The following GZMH variants were observed in gnomAD, a reference collection of about 807,000 sequenced individuals.
GZMH encodes the protein cathepsin G-like 2, protein h-CCPX.
In GZMH, 24 loss-of-function variants were observed where a neutral mutation model predicts 20.7. The observed-to-expected ratio is 1.16, with a 90% CI of 0.84 to 1.63. The LOEUF is 1.63. GZMH is among the 40% of genes most tolerant of loss of function. The pLI is 0.00. For synonymous variants in GZMH, 119 were observed against 116.1 expected (o/e 1.02, Z -0.16); for missense variants, 344 against 302.7 (o/e 1.14, Z -1.01).
rs908074532 is a variant in GZMH at position 24,607,251 on chromosome 14, T to C, written c.495A>G (p.Thr165=). The C allele has an allele frequency of 3.1e-6, 5 of 1,614,184 alleles. 1 individual carries two copies. Among genetic ancestry groups the C allele is most frequent in the Non-Finnish European group, 4.2e-6 (5 of 1,180,024 alleles). Residue 165 remains threonine (T), a synonymous_variant, in exon 4 of 5, where the codon ACA becomes ACG. Transcript: ENST00000216338. Reference sequence around the variant, plus strand: ...GTTCACACTGGCAGTCCTTCTGCACTGTCAGCAACACTTCCTGCAGTGTGG... The same window carrying C: ...GTTCACACTGGCAGTCCTTCTGCACCGTCAGCAACACTTCCTGCAGTGTGG... ...LATTLQEVLL[T]VQKDCQCERL...
chr14:24,608,033 C>T (rs1317367852), intron 2 of GZMH, among the ~76,000 whole-genome samples: 1 of 152,174 alleles, frequency 6.6e-6, no homozygotes, highest in Non-Finnish European at 1.5e-5. Context: ...CTTATTGGGC[C>T]AGTGTGTGAA....
intron 4 of GZMH, among the ~76,000 whole-genome samples, 173 bp downstream of exon 4, chr14:24,606,976 C>T (rs1049251739): frequency 6.6e-5 from 10 of 152,166 alleles, no homozygotes; most frequent in African/African-American, 2.4e-4. Context: ...AGATCCTTCC[C>T]CTCCAGCCAC....
At position 24,606,565 on chromosome 14, in the gene GZMH, T is replaced by A; in HGVS notation, c.*38A>T. On this transcript the variant is annotated 3_prime_UTR_variant, in exon 5 of 5. Coordinates refer to ENST00000216338, the MANE Select transcript of GZMH (RefSeq NM_033423.5). Reference sequence around the variant, plus strand: ...GGGATTCTTGCCTCTGTCCCAGAGATGGTCAGGCCCAGAGGAAGGTTAGTC... The same window carrying A: ...GGGATTCTTGCCTCTGTCCCAGAGAAGGTCAGGCCCAGAGGAAGGTTAGTC... 6.3e-7 allele frequency: 1 copy of A among 1,592,564 alleles called. No homozygotes were observed. Among genetic ancestry groups the A allele is most frequent in the Non-Finnish European group, 8.5e-7 (1 of 1,169,934 alleles).
At chr14:24,609,407 CT>C (rs2066895511) in intron 1 of GZMH, 151 bp downstream of exon 1, 1 of 536,582 alleles carries the variant, frequency 1.9e-6, no homozygotes, top group Admixed American at 3.1e-5. Context: ...ATTTTTCGAT[CT>C]TTGCTGAGTG....
chr14:24,607,372 C>T lies in GZMH; in HGVS notation c.374G>A (p.Arg125Gln), dbSNP rs554783639. 32 of 1,606,594 alleles carry T rather than the reference C, an allele frequency of 2.0e-5. No homozygotes were observed. Among genetic ancestry groups the T allele is most frequent in the Admixed American group, 6.7e-5 (4 of 59,790 alleles). The change falls in exon 4 of 5, where the codon CGG (arginine) becomes CAG (glutamine). Residue 125 changes from arginine (R) to glutamine (Q), a missense_variant. Transcript: ENST00000216338. ...ERKAKWTTAV[R>Q]PLRLPSSKAQ... ...CTTGCTGCTAGGTAGCCTGAGAGGC[C>T]GCACAGCTGTGGTCCACTTGGCCTT...
rs757499394 is a variant in GZMH, at chr14:24,607,774, G to C, written c.204-27C>G. On this transcript the variant is annotated intron_variant, in intron 2 of 4. Transcript: ENST00000216338. Reference sequence around the variant, plus strand: ...TGCACAGAGAGCAGAGTGAGGATGGGGGTGGAGTCACAGGGGATAGAGCCC... The same window carrying C: ...TGCACAGAGAGCAGAGTGAGGATGGCGGTGGAGTCACAGGGGATAGAGCCC... 5.0e-6 allele frequency: 8 copies of C among 1,614,116 alleles called. No homozygotes were observed. In the Middle Eastern group the frequency reaches 5.0e-4, roughly 100 times the overall value.
chr14:24,606,567 G>T lies in GZMH; in HGVS notation c.*36C>A. Reference sequence around the variant, plus strand: ...GATTCTTGCCTCTGTCCCAGAGATGGTCAGGCCCAGAGGAAGGTTAGTCTC... The same window carrying T: ...GATTCTTGCCTCTGTCCCAGAGATGTTCAGGCCCAGAGGAAGGTTAGTCTC... On this transcript the variant is annotated 3_prime_UTR_variant, in exon 5 of 5. Coordinates refer to ENST00000216338, the MANE Select transcript of GZMH (RefSeq NM_033423.5). 6.3e-7 allele frequency: 1 copy of T among 1,597,226 alleles called. No homozygotes were observed. The highest frequency in any genetic ancestry group is 8.5e-7 in the Non-Finnish European group (1 of 1,171,884).
In GZMH at chr14:24,608,364, A is replaced by C; in HGVS notation, c.104T>G (p.Met35Arg). The part of the protein sequence containing the change: ...HEAKPHSRPY[M>R]AFVQFLQEKS... ...CTCTTGCAGAAACTGAACAAAGGCC[A>C]TGTAGGGGCGGGAGTGGGGCTTGGC... Residue 35 changes from methionine (M) to arginine (R), a missense_variant, in exon 2 of 5, where the codon ATG becomes AGG. Transcript: ENST00000216338. 6.2e-7 allele frequency: 1 copy of C among 1,614,200 alleles called. No individual in the cohort carries two copies. The highest frequency in any genetic ancestry group is 1.3e-5 in the African/African-American group (1 of 75,060).
intron 1 of GZMH, among the ~76,000 whole-genome samples, 179 bp from the exon 2 acceptor site, chr14:24,608,591 G>A (rs953448583): frequency 3.9e-5 from 6 of 152,218 alleles, no homozygotes; most frequent in Non-Finnish European, 7.3e-5. Context: ...TGAACTTTAA[G>A]TCTCAGAACC....
chr14:24,606,718 T>C lies in GZMH; in HGVS notation c.626A>G (p.Lys209Arg), dbSNP rs768626248. Residue 209 changes from lysine to arginine, a missense_variant, in exon 5 of 5, where the codon AAG (lysine) becomes AGG (arginine). By Grantham distance (26) the Lys-to-Arg change is conservative. Transcript: ENST00000216338. ...GGAGAGAATACCTTGGGCTACGTCC[T>C]TACACACGAGGGGCCCCCCGGAGTC... is the stretch of plus-strand genomic sequence containing the variant. Reference protein sequence around the residue: ...KGDSGGPLVCKDVAQGILSYG... With the variant: ...KGDSGGPLVCRDVAQGILSYG... 6.2e-7 allele frequency: 1 copy of C among 1,613,876 alleles called. No individual in the cohort carries two copies.
rs773274311 is a variant in GZMH, at chr14:24,608,428, G to A, written c.56-16C>T. 8 of 1,613,642 alleles carry A rather than the reference G, an allele frequency of 5.0e-6. No individual in the cohort carries two copies. The highest frequency in any genetic ancestry group is 2.7e-5 in the African/African-American group (2 of 75,034). The stretch of plus-strand genomic sequence containing the variant: ...ATGATCTCCTCTGAAAGGAAAGACT[G>A]GAAGATAAAGTAGCTGGGGATGGCT... On this transcript the variant is annotated splice_polypyrimidine_tract_variant and intron_variant, in intron 1 of 4. Transcript: ENST00000216338.
In GZMH at chr14:24,608,417, A is replaced by G; in HGVS notation, c.56-5T>C. 3 of 1,613,874 alleles carry G rather than the reference A, an allele frequency of 1.9e-6. No individual in the cohort carries two copies. In the South Asian group the frequency reaches 3.3e-5, roughly 18 times the overall value. On this transcript the variant is annotated splice_region_variant and splice_polypyrimidine_tract_variant and intron_variant, in intron 1 of 4. Transcript: ENST00000216338. ...CATGGCCCCCGATGATCTCCTCTGA[A>G]AGGAAAGACTGGAAGATAAAGTAGC...
rs202184153 is a variant in GZMH, at chr14:24,608,401, C to G, written c.67G>C (p.Gly23Arg). Residue 23 changes from glycine to arginine, a missense_variant, in exon 2 of 5, where the codon GGG becomes CGG. Gly to Arg is a moderately radical substitution (Grantham distance 125). Transcript: ENST00000216338. ...GAGTGGGGCTTGGCCTCATGGCCCC[C>G]GATGATCTCCTCTGAAAGGAAAGAC... ...TPGAGTEEII[G>R]GHEAKPHSRP... is the part of the protein sequence containing the mutation. The G allele has an allele frequency of 3.1e-6, 5 of 1,614,002 alleles. No homozygotes were observed. Among genetic ancestry groups the G allele is most frequent in the East Asian group, 2.2e-5 (1 of 44,876 alleles).
rs749363397 is a variant in GZMH at position 24,609,677 on chromosome 14, G to A, written c.-64C>T. 2.1e-5 allele frequency: 26 copies of A among 1,242,848 alleles called. No individual in the cohort carries two copies. Among genetic ancestry groups the A allele is most frequent in the Non-Finnish European group, 2.9e-5 (25 of 857,152 alleles). 77.0% of individuals were successfully genotyped at this position (1,242,848 alleles called of 1,614,324 possible). On this transcript the variant is annotated 5_prime_UTR_variant, in exon 1 of 5. Transcript: ENST00000216338. Reference sequence around the variant, plus strand: ...TGACTCCTTCCAGAAACAAATGCTGGAGGGAGATGAAGGAGGGATGGGTAC... The same window carrying A: ...TGACTCCTTCCAGAAACAAATGCTGAAGGGAGATGAAGGAGGGATGGGTAC...
At chr14:24,608,900 ATAGCCTCCAAT>A (rs2066891920) in intron 1 of GZMH, among the ~76,000 whole-genome samples, 2 of 152,348 alleles carry the variant, frequency 1.3e-5, no homozygotes, top group South Asian at 4.1e-4. Context: ...GCATAAATGA[ATAGCCTCCAAT>A]TAGCCTTTGG....
rs1426653728 is a variant in GZMH at position 24,606,693 on chromosome 14, G to A, written c.651C>T (p.Ser217=). The A allele has an allele frequency of 6.2e-7, 1 of 1,613,760 alleles. No individual in the cohort carries two copies. ...GAGGTGTCCCTTTTTTGTTTCCATA[G>A]GAGAGAATACCTTGGGCTACGTCCT... The part of the protein sequence containing the change: ...VCKDVAQGIL[S]YGNKKGTPPG... The change falls in exon 5 of 5, where the codon TCC becomes TCT. Residue 217 remains serine, a synonymous_variant. Transcript: ENST00000216338.
chr14:24,606,729 G>T lies in GZMH; in HGVS notation c.615C>A (p.Pro205=). Reference sequence around the variant, plus strand: ...CTTGGGCTACGTCCTTACACACGAGGGGCCCCCCGGAGTCCCCCTGTGAAC... The same window carrying T: ...CTTGGGCTACGTCCTTACACACGAGTGGCCCCCCGGAGTCCCCCTGTGAAC... The part of the protein sequence containing the change: ...QTGFKGDSGG[P]LVCKDVAQGI... The change falls in exon 5 of 5, where the codon CCC becomes CCA. Residue 205 remains proline (P), a synonymous_variant. Transcript: ENST00000216338. 1.2e-6 allele frequency: 2 copies of T among 1,613,678 alleles called. No homozygotes were observed. Among genetic ancestry groups the T allele is most frequent in the African/African-American group, 1.3e-5 (1 of 75,012 alleles).
intron 3 of GZMH, 66 bp downstream of exon 3, chr14:24,607,546 C>T (rs911585423): frequency 9.9e-5 from 160 of 1,610,580 alleles, no homozygotes; most frequent in East Asian, 6.0e-4. Context: ...AGGAAAGGGC[C>T]GGCATCCCAG....
At chr14:24,608,197 C>T (rs778727733) in intron 2 of GZMH, 68 bp downstream of exon 2, 102 of 1,539,572 alleles carry the variant, frequency 6.6e-5, no homozygotes, top group Non-Finnish European at 8.8e-5. Context: ...CCCTGGGCTG[C>T]AGTCCCCAGG....
Sources: gnomAD v4.1 joint callset for allele counts (sites outside exome capture counted in the v4.1 genomes callset) on GRCh38, gnomAD v4.1.1 for gene constraint, MANE v1.5 for transcripts, NCBI Gene and HGNC (gene_info 2026-07-23, HGNC 2026-07-21) for gene names.